The following ZNF655 variants were observed in gnomAD, a reference collection of about 807,000 sequenced individuals.
ZNF655 encodes the protein zinc finger protein 655.
A neutral mutation model predicts 6.6 loss-of-function variants in ZNF655; 3 were observed. The ratio of observed to expected loss-of-function variants is 0.46; its 90% CI spans 0.21 to 1.18. The LOEUF (loss-of-function observed/expected upper bound fraction) is 1.18. Among genes scored for constraint, ZNF655 ranks in the 50% most tolerant of loss-of-function variants. The pLI, the probability that ZNF655 is intolerant of heterozygous loss-of-function variation, is 0.24. For missense variants in ZNF655, 526 were observed against 572.3 expected (o/e 0.92, Z 0.83); for synonymous variants, 178 against 195.0 (o/e 0.91, Z 0.73).
chr7:99,565,981 C>T lies in ZNF655; in HGVS notation c.136+5286C>T, dbSNP rs182207877. On this transcript the variant is annotated intron_variant, in intron 2 of 2. Transcript: ENST00000252713. ...ATATATGTATGTATACACACACACA[C>T]ACATATGTATATACACACACACAGA... 3.1e-3 allele frequency among the ~76,000 whole-genome samples: 475 copies of T among 151,916 alleles called. 2 individuals are homozygous for T. Among genetic ancestry groups the T allele is most frequent in the South Asian group, 7.5e-3 (36 of 4,808 alleles).
intron 1 of ZNF655, among the ~76,000 whole-genome samples, chr7:99,559,601 C>T (rs1285472054): frequency 1.3e-5 from 2 of 152,102 alleles, no homozygotes; most frequent in South Asian, 2.1e-4. Flanking sequence ...CAACTTGAGC[C>T]TCCAAAGACG....
chr7:99,565,630 G>A (rs1024579225), intron 2 of ZNF655, among the ~76,000 whole-genome samples: 1 of 152,260 alleles, frequency 6.6e-6, no homozygotes, highest in East Asian at 1.9e-4. Flanking sequence ...CTCCATTGAT[G>A]ATGAATGAAC....
chr7:99,564,377 C>A, intron 2 of ZNF655: 1 of 1,075,000 alleles, frequency 9.3e-7, no homozygotes, highest in Non-Finnish European at 1.1e-6. Flanking sequence ...TGGTGCCTAA[C>A]TCTCCTGTGA....
intron 2 of ZNF655, chr7:99,571,442 G>A: frequency 8.0e-7 from 1 of 1,247,342 alleles, no homozygotes; most frequent in Non-Finnish European, 1.0e-6. Flanking sequence ...ACATTCTGTT[G>A]TCTGAATAAT....
intron 2 of ZNF655, chr7:99,571,462 A>T: frequency 3.9e-6 from 5 of 1,272,030 alleles, no homozygotes; most frequent in Non-Finnish European, 5.1e-6. Context: ...TATTTAAATG[A>T]ATCCTTCTGC....
intron 1 of ZNF655, among the ~76,000 whole-genome samples, chr7:99,559,877 C>T (rs1172153786): frequency 6.7e-6 from 1 of 149,394 alleles, no homozygotes; most frequent in Non-Finnish European, 1.5e-5. Flanking sequence ...ATCCACCCGT[C>T]TGTGCCTCCC....
chr7:99,569,869 C>T (rs1173743593), intron 2 of ZNF655, among the ~76,000 whole-genome samples: 1 of 152,038 alleles, frequency 6.6e-6, no homozygotes, highest in Admixed American at 6.6e-5. Flanking sequence ...AATTCTAATA[C>T]ATAGTGGTGA....
rs201201161 is a variant in ZNF655 at position 99,572,415 on chromosome 7, C to T, written c.307C>T (p.Leu103=). ...EDRLERLQEI[L]RKFLYLEREF... ...CAGATTAGAAAGACTTCAGGAAATT[C>T]TAAGGAAATTTCTGTACCTGGAGAG... The change falls in exon 3 of 3, where the codon CTA becomes TTA. Residue 103 remains leucine, a synonymous_variant. Coordinates refer to ENST00000252713, the MANE Select transcript of ZNF655 (RefSeq NM_138494.3). 2 of 1,613,648 alleles carry T rather than the reference C, an allele frequency of 1.2e-6. No individual in the cohort carries two copies. Among genetic ancestry groups the T allele is most frequent in the Non-Finnish European group, 8.5e-7 (1 of 1,179,846 alleles).
At position 99,574,805 on chromosome 7, in the gene ZNF655, C is replaced by G. The variant is rs1804305183; in HGVS notation, c.*1221C>G. On this transcript the variant is annotated 3_prime_UTR_variant, in exon 3 of 3. Coordinates refer to ENST00000252713, the MANE Select transcript of ZNF655 (RefSeq NM_138494.3). Reference sequence around the variant, plus strand: ...CTTTACAGCCACAACACTTGGATTCCTGTTGATTAACTTCTCCATTCTCTT... The same window carrying G: ...CTTTACAGCCACAACACTTGGATTCGTGTTGATTAACTTCTCCATTCTCTT... 1.3e-5 allele frequency: 2 copies of G among 152,168 alleles called. No individual in the cohort carries two copies. Among genetic ancestry groups the G allele is most frequent in the African/African-American group, 4.8e-5 (2 of 41,444 alleles). 9.4% of individuals were successfully genotyped at this position (152,168 alleles called of 1,614,324 possible).
intron 2 of ZNF655, 50 bp downstream of exon 2, chr7:99,560,745 C>T (rs757842455): frequency 2.5e-6 from 4 of 1,595,926 alleles, no homozygotes; most frequent in Non-Finnish European, 3.4e-6. Flanking sequence ...TGCGGAGGGG[C>T]TCCCGAGGGG....
intron 1 of ZNF655, among the ~76,000 whole-genome samples, chr7:99,559,679 A>T (rs1033226491): frequency 6.6e-5 from 10 of 152,112 alleles, no homozygotes; most frequent in Non-Finnish European, 1.2e-4. Context: ...ACAGGCTGGA[A>T]TGCAGTGGCG....
At chr7:99,560,728 G>C (rs1388832891) in intron 2 of ZNF655, 33 bp downstream of exon 2, 1 of 1,608,852 alleles carries the variant, frequency 6.2e-7, no homozygotes, top group Non-Finnish European at 8.5e-7. Context: ...GTCTGGGAGA[G>C]TGGGAGTGCG....
chr7:99,573,629 C>G lies in ZNF655; in HGVS notation c.*45C>G. On this transcript the variant is annotated 3_prime_UTR_variant, in exon 3 of 3. Transcript: ENST00000252713. Reference sequence around the variant, plus strand: ...ATATTTATCAAATTCAGGCTTCATTCAGCATCTGAGAGTTCACACCAGGGA... The same window carrying G: ...ATATTTATCAAATTCAGGCTTCATTGAGCATCTGAGAGTTCACACCAGGGA... 1 of 1,564,844 alleles carries G rather than the reference C, an allele frequency of 6.4e-7. No homozygotes were observed.
chr7:99,561,799 C>G, intron 2 of ZNF655: 1 of 725,266 alleles, frequency 1.4e-6, no homozygotes, highest in Non-Finnish European at 2.0e-6. Context: ...GAGGGTCCTG[C>G]TGACACCCCT....
chr7:99,570,056 A>G (rs894495466), intron 2 of ZNF655: 3 of 152,164 alleles, frequency 2.0e-5, no homozygotes, highest in South Asian at 2.1e-4. Context: ...ACCTTCGTAC[A>G]TTACATTAAA....
At chr7:99,571,081 C>T in intron 2 of ZNF655, 1 of 401,238 alleles carries the variant, frequency 2.5e-6, no homozygotes, top group Non-Finnish European at 4.2e-6. Flanking sequence ...GCCTCTTATC[C>T]CCTGCATACT....
intron 2 of ZNF655, chr7:99,563,146 G>T: frequency 2.2e-6 from 1 of 450,392 alleles, no homozygotes; most frequent in Non-Finnish European, 4.5e-6. Context: ...GCTGAGGTGG[G>T]GTCAATGCTT....
At chr7:99,571,749 TCTGGAAACTAAGA>T in intron 2 of ZNF655, 1 of 1,610,148 alleles carries the variant, frequency 6.2e-7, no homozygotes, top group Non-Finnish European at 8.5e-7. Context: ...AGGTCTTTGA[TCTGGAAACTAAGA>T]CTAGAGAAGT....
chr7:99,576,270 T>C lies in ZNF655; in HGVS notation c.*2686T>C, dbSNP rs904865430. Reference sequence around the variant, plus strand: ...AATGTAAAAGCAAATGAAAAATGCATGTGTTTTTTCCTGTCAAACATGTAT... The same window carrying C: ...AATGTAAAAGCAAATGAAAAATGCACGTGTTTTTTCCTGTCAAACATGTAT... On this transcript the variant is annotated 3_prime_UTR_variant, in exon 3 of 3. Coordinates refer to ENST00000252713, the MANE Select transcript of ZNF655 (RefSeq NM_138494.3). 6.6e-6 allele frequency: 1 copy of C among 152,648 alleles called. No individual in the cohort carries two copies. Among genetic ancestry groups the C allele is most frequent in the Non-Finnish European group, 1.5e-5 (1 of 68,038 alleles). The allele number at this position is 152,648 out of a possible 1,614,324, so 9.5% of individuals were successfully genotyped here. A position where few individuals can be genotyped will look rare whatever the true frequency, so the allele number is the denominator to read the frequency against.
Sources: gnomAD v4.1 joint callset for allele counts (sites outside exome capture counted in the v4.1 genomes callset) on GRCh38, gnomAD v4.1.1 for gene constraint, MANE v1.5 for transcripts, NCBI Gene and HGNC (gene_info 2026-07-23, HGNC 2026-07-21) for gene names.